DPF2: variants seen among roughly 807,000 people sequenced by gnomAD.
DPF2 encodes zinc finger protein ubi-d4.
DPF2 carries 10 observed loss-of-function variants against 59.6 expected under a neutral mutation model. That is an observed-to-expected ratio of 0.17 (90% CI 0.10 to 0.28). DPF2 has a LOEUF of 0.28. Ranked by LOEUF, DPF2 falls within the 10% of genes least tolerant of loss-of-function variation. DPF2 has a pLI of 1.00. For synonymous variants in DPF2, 189 were observed against 190.6 expected, an observed-to-expected ratio of 0.99 and a Z score of 0.07; for missense variants, 315 against 509.4, an observed-to-expected ratio of 0.62 and a Z score of 3.67.
Position 65,340,460 on chromosome 11 carries a change from C to G in DPF2, c.108C>G (p.Ser36Arg). 6.2e-7 allele frequency: 1 copy of G among 1,614,256 alleles called. No homozygotes were observed. The highest frequency in any genetic ancestry group is 8.5e-7 in the Non-Finnish European group (1 of 1,180,050). The change falls in exon 2 of 11, where the codon AGC becomes AGG. Residue 36 changes from serine (S) to arginine (R), a missense_variant. Physicochemically the swap from Ser to Arg is moderately radical, Grantham distance 110. This residue lies in a region of DPF2 where 228 missense variants were observed against 275.3 expected (regional missense o/e 0.83). Coordinates refer to ENST00000528416, the MANE Select transcript of DPF2 (RefSeq NM_006268.5). ...NYNARLCAER[S>R]VRLPFLDSQT... is the part of the protein sequence containing the mutation. The stretch of plus-strand genomic sequence containing the variant: ...ATGCTCGCCTCTGTGCTGAGCGCAG[C>G]GTGCGCCTGCCTTTCTTGGACTCAC...
In DPF2 at chr11:65,353,882, G is replaced by C. The variant is rs955158650; in HGVS notation, c.*2123G>C. Among the ~76,000 whole-genome samples, 6 of 152,224 alleles carry C rather than the reference G, an allele frequency of 3.9e-5. No individual in the cohort carries two copies. Among genetic ancestry groups the C allele is most frequent in the African/African-American group, 1.4e-4 (6 of 41,452 alleles). On this transcript the variant is annotated 3_prime_UTR_variant, in exon 11 of 11. Coordinates refer to ENST00000528416, the MANE Select transcript of DPF2 (RefSeq NM_006268.5). ...CTGAAGTAGGCCAGGCAGAGAGGGA[G>C]TACAGCAATGGATGCGCTTTGGCAG...
At chr11:65,348,973 A>G in intron 10 of DPF2, 42 bp downstream of exon 10, 3 of 1,600,374 alleles carry the variant, frequency 1.9e-6, no homozygotes, top group Middle Eastern at 1.7e-4. Context: ...TTACTTTATT[A>G]GTTACTTGGA....
At chr11:65,345,561 G>A in intron 6 of DPF2, 105 bp from the exon 7 acceptor site, 1 of 1,501,268 alleles carries the variant, frequency 6.7e-7, no homozygotes, top group Non-Finnish European at 9.1e-7. Context: ...CTAGGGGAAG[G>A]GATGGTTGCC....
rs1854701617 is a variant in DPF2 at position 65,351,706 on chromosome 11, C to G, written c.1123C>G (p.Leu375Val). 1 of 1,613,998 alleles carries G rather than the reference C, an allele frequency of 6.2e-7. No homozygotes were observed. Among genetic ancestry groups the G allele is most frequent in the Non-Finnish European group, 8.5e-7 (1 of 1,180,060 alleles). Reference sequence around the variant, plus strand: ...AGGAAGTTGGAGCTGCCACCTGTGTCTGGACCTGTTGAAAGAGAAAGCTTC... The same window carrying G: ...AGGAAGTTGGAGCTGCCACCTGTGTGTGGACCTGTTGAAAGAGAAAGCTTC... Reference protein sequence around the residue: ...PEGSWSCHLCLDLLKEKASIY... With the variant: ...PEGSWSCHLCVDLLKEKASIY... Residue 375 changes from leucine (L) to valine (V), a missense_variant, in exon 11 of 11, where the codon CTG becomes GTG. This residue lies in a region of DPF2 where 27 missense variants were observed against 125.8 expected (regional missense o/e 0.21). Transcript: ENST00000528416.
At chr11:65,334,072 G>A (rs910062788) in intron 1 of DPF2, among the ~76,000 whole-genome samples, 154 bp downstream of exon 1, 1 of 152,236 alleles carries the variant, frequency 6.6e-6, no homozygotes, top group Non-Finnish European at 1.5e-5. Context: ...AGACTCCGGA[G>A]AAGACGTTGC....
intron 9 of DPF2, 51 bp downstream of exon 9, chr11:65,346,410 C>A (rs1223029207): frequency 1.3e-6 from 2 of 1,518,314 alleles, no homozygotes; most frequent in Admixed American, 1.8e-5. Context: ...GCTTTTACTG[C>A]TGTTTGCACA....
At chr11:65,337,470 AAAAAATATAT>A (rs1181465946) in intron 1 of DPF2, among the ~76,000 whole-genome samples, 3 of 57,622 alleles carry the variant, frequency 5.2e-5, no homozygotes, top group African/African-American at 6.6e-5. Flanking sequence ...AAAAAAAAAA[AAAAAATATAT>A]ATATATATAT....
intron 1 of DPF2, among the ~76,000 whole-genome samples, chr11:65,337,243 A>T (rs1244521618): frequency 6.6e-6 from 1 of 151,496 alleles, no homozygotes; most frequent in Non-Finnish European, 1.5e-5. Flanking sequence ...TGAGGTCAGG[A>T]GTTCGAGACC....
chr11:65,341,086 C>A lies in DPF2; in HGVS notation c.301+13C>A. ...TCTATTAAGCCAGGTAAGGCACATA[C>A]TTCCTGAGCAGAGGCGTGGCCTGCT... On this transcript the variant is annotated intron_variant, in intron 3 of 10. Coordinates refer to ENST00000528416, the MANE Select transcript of DPF2 (RefSeq NM_006268.5). The A allele has an allele frequency of 6.2e-7, 1 of 1,613,358 alleles. No homozygotes were observed. The highest frequency in any genetic ancestry group is 1.1e-5 in the South Asian group (1 of 91,060).
At chr11:65,342,159 CTT>C (rs1854393555) in intron 4 of DPF2, among the ~76,000 whole-genome samples, 1 of 151,852 alleles carries the variant, frequency 6.6e-6, no homozygotes, top group Non-Finnish European at 1.5e-5. Context: ...ACCACATACT[CTT>C]TACCTAGATT....
At chr11:65,348,578 CA>C in intron 9 of DPF2, 11 of 329,588 alleles carry the variant, frequency 3.3e-5, no homozygotes, top group South Asian at 8.3e-5. Flanking sequence ...TACCCTGTCT[CA>C]AAAAAATATA....
At position 65,352,170 on chromosome 11, in the gene DPF2, G is replaced by A; in HGVS notation, c.*411G>A. 5.0e-6 allele frequency: 1 copy of A among 200,530 alleles called. No homozygotes were observed. The highest frequency in any genetic ancestry group is 9.2e-5 in the South Asian group (1 of 10,898). 12.4% of individuals were successfully genotyped at this position (200,530 alleles called of 1,614,324 possible). A position where few individuals can be genotyped will look rare whatever the true frequency, so the allele number is the denominator to read the frequency against. On this transcript the variant is annotated 3_prime_UTR_variant, in exon 11 of 11. Transcript: ENST00000528416. ...TTCCTGTCCTCTAGAGGCAAGCCAG[G>A]CCAGGGAGCTGGGAGCGAGCAAGCT...
chr11:65,343,846 C>T lies in DPF2; in HGVS notation c.558+9C>T, dbSNP rs1453010833. The T allele has an allele frequency of 1.3e-6, 2 of 1,582,436 alleles. No individual in the cohort carries two copies. The highest frequency in any genetic ancestry group is 1.7e-6 in the Non-Finnish European group (2 of 1,163,240). ...GAAAGGGGAAATCCAAGGTGAGGGG[C>T]CAGCGTGCTGCCTGCATCTTGGGAC... On this transcript the variant is annotated intron_variant, in intron 5 of 10. Transcript: ENST00000528416.
intron 1 of DPF2, among the ~76,000 whole-genome samples, chr11:65,337,472 AAAATATATATATAT>A (rs1452285031): frequency 2.2e-4 from 11 of 50,712 alleles, no homozygotes; most frequent in East Asian, 1.2e-3. Flanking sequence ...AAAAAAAAAA[AAAATATATATATAT>A]ATATATATAT....
At position 65,343,995 on chromosome 11, in the gene DPF2, AGGGTGT is replaced by A. The variant is rs1363242481; in HGVS notation, c.567_572del (p.Val190_Gly191del). ...TCTCTTTGCTCTTCTTGGCAGGGTA[AGGGTGT>A]GGGCAGTGCCCGTAAGAAGCTGGAT... is the stretch of plus-strand genomic sequence containing the variant. On this transcript the variant is annotated inframe_deletion, in exon 6 of 11. Transcript: ENST00000528416. 2 of 1,614,154 alleles carry A rather than the reference AGGGTGT, an allele frequency of 1.2e-6. No homozygotes were observed. The highest frequency in any genetic ancestry group is 4.5e-5 in the East Asian group (2 of 44,888).
At chr11:65,337,480 T>A (rs1389578481) in intron 1 of DPF2, among the ~76,000 whole-genome samples, 359 of 33,428 alleles carry the variant, frequency 0.011, 14 homozygotes, top group African/African-American at 0.026. Flanking sequence ...AAAAAATATA[T>A]ATATATATAT....
Position 65,354,084 on chromosome 11 carries a change from G to A in DPF2, c.*2325G>A, listed in dbSNP as rs1289228506. Among the ~76,000 whole-genome samples the A allele has an allele frequency of 6.6e-6, 1 of 152,228 alleles. No homozygotes were observed. Among genetic ancestry groups the A allele is most frequent in the Non-Finnish European group, 1.5e-5 (1 of 68,028 alleles). On this transcript the variant is annotated 3_prime_UTR_variant, in exon 11 of 11. Coordinates refer to ENST00000528416, the MANE Select transcript of DPF2 (RefSeq NM_006268.5). ...ACGGAAGCCTGTGAGGAAGGCAGAG[G>A]ATGCGGAGCTGTGAGCGGAGGGAGC...
chr11:65,341,060 A>G lies in DPF2; in HGVS notation c.288A>G (p.Pro96=). The change falls in exon 3 of 11, where the codon CCA becomes CCG. Residue 96 remains proline, a synonymous_variant. Transcript: ENST00000528416. ...HPPEDPRLSF[P]SIKPDTDQTL... ...CTGAGGATCCACGACTTTCCTTCCCATCTATTAAGCCAGGTAAGGCACATA... is the reference window on the plus strand; with the variant it reads ...CTGAGGATCCACGACTTTCCTTCCCGTCTATTAAGCCAGGTAAGGCACATA... The G allele has an allele frequency of 6.2e-7, 1 of 1,614,054 alleles. No individual in the cohort carries two copies. The highest frequency in any genetic ancestry group is 1.1e-5 in the South Asian group (1 of 91,086).
rs1197539414 is a variant in DPF2 at position 65,333,905 on chromosome 11, A to C, written c.19A>C (p.Asn7His). 2.5e-6 allele frequency: 4 copies of C among 1,613,696 alleles called. No homozygotes were observed. The highest frequency in any genetic ancestry group is 1.7e-4 in the Middle Eastern group (1 of 6,058). MAAVVE[N>H]VVKLLGEQYY... ...AGGGAAGATGGCGGCTGTGGTGGAG[A>C]ATGTAGTGAAGCTGTGAGTGGTCGT... Residue 7 changes from asparagine (N) to histidine (H), a missense_variant, in exon 1 of 11, where the codon AAT becomes CAT. Around this residue, in one of 4 missense-constraint regions of DPF2, gnomAD observed 228 missense variants for 275.3 expected, o/e 0.83. Coordinates refer to ENST00000528416, the MANE Select transcript of DPF2 (RefSeq NM_006268.5).
Sources: gnomAD v4.1 joint callset for allele counts (sites outside exome capture counted in the v4.1 genomes callset) on GRCh38, gnomAD v4.1.1 for gene constraint, gnomAD v4.1.1 regional missense constraint, MANE v1.5 for transcripts, NCBI Gene and HGNC (gene_info 2026-07-23, HGNC 2026-07-21) for gene names.